LUC7L3: variants seen among roughly 807,000 people sequenced by gnomAD.
The protein encoded by LUC7L3 is luc7-like protein 3.
A neutral mutation model predicts 66.8 loss-of-function variants in LUC7L3; 6 were observed. That is an observed-to-expected ratio of 0.09 (90% CI 0.05 to 0.18). LUC7L3 has a LOEUF of 0.18. Among genes scored for constraint, LUC7L3 ranks in the 10% least tolerant of loss-of-function variants. The pLI is 1.00. For synonymous variants in LUC7L3, 160 were observed against 174.7 expected (o/e 0.92, Z 0.66); for missense variants, 341 against 531.1 (o/e 0.64, Z 3.52).
intron 1 of LUC7L3, among the ~76,000 whole-genome samples, chr17:50,728,473 T>C (rs896017677): frequency 2.0e-5 from 3 of 151,946 alleles, no homozygotes; most frequent in East Asian, 1.9e-4. Flanking sequence ...AAAAAAAATA[T>C]TTATAGACTG....
chr17:50,738,874 C>A (rs556465647), intron 2 of LUC7L3, among the ~76,000 whole-genome samples: 1 of 152,084 alleles, frequency 6.6e-6, no homozygotes, highest in Non-Finnish European at 1.5e-5. Context: ...CTAGGCATAC[C>A]CCTGTGAAAT....
At chr17:50,729,914 AT>A (rs1969461224) in intron 1 of LUC7L3, among the ~76,000 whole-genome samples, 1 of 39,592 alleles carries the variant, frequency 2.5e-5, no homozygotes, top group East Asian at 8.4e-4. Flanking sequence ...ATATATATAT[AT>A]ATATATATAT....
intron 1 of LUC7L3, chr17:50,723,066 G>A (rs1270706477): frequency 6.6e-6 from 1 of 152,206 alleles, no homozygotes; most frequent in Non-Finnish European, 1.5e-5. Context: ...TTCAGTGTTA[G>A]CCAGAGAAGG....
intron 3 of LUC7L3, among the ~76,000 whole-genome samples, chr17:50,740,563 A>G (rs930718866): frequency 1.3e-5 from 2 of 151,150 alleles, no homozygotes; most frequent in African/African-American, 4.9e-5. Flanking sequence ...TCTGTAGCCC[A>G]TTTGCTGTTT....
rs1368586234 is a variant in LUC7L3, at chr17:50,750,948, AT to A, written c.*289del. On this transcript the variant is annotated 3_prime_UTR_variant, in exon 10 of 10. Transcript: ENST00000505658. ...CGCCCACATTTGTAATATAGTCGCC[AT>A]TGAAAAGTTAATTATCCTTTTTTTA... The A allele has an allele frequency of 2.7e-6, 4 of 1,505,554 alleles. No individual in the cohort carries two copies. Among genetic ancestry groups the A allele is most frequent in the Non-Finnish European group, 3.5e-6 (4 of 1,133,356 alleles). The allele number at this position is 1,505,554 out of a possible 1,614,324, so 93.3% of individuals were successfully genotyped here. A position where few individuals can be genotyped will look rare whatever the true frequency, so the allele number is the denominator to read the frequency against.
At chr17:50,746,980 C>T (rs868675475) in intron 9 of LUC7L3, among the ~76,000 whole-genome samples, 13 of 150,754 alleles carry the variant, frequency 8.6e-5, no homozygotes, top group Middle Eastern at 3.4e-3. Flanking sequence ...TATTACCTTT[C>T]GGGGTTATTA....
chr17:50,752,920 C>T lies in LUC7L3; in HGVS notation c.*2259C>T, dbSNP rs1487123138. 1 of 149,506 alleles carries T rather than the reference C, an allele frequency of 6.7e-6. No individual in the cohort carries two copies. The highest frequency in any genetic ancestry group is 1.5e-5 in the Non-Finnish European group (1 of 67,544). 9.3% of individuals were successfully genotyped at this position (149,506 alleles called of 1,614,324 possible). On this transcript the variant is annotated 3_prime_UTR_variant, in exon 10 of 10. Coordinates refer to ENST00000505658, the MANE Select transcript of LUC7L3 (RefSeq NM_016424.5). ...TGAACTAGAATATATTTTTACATCC[C>T]TGAGAGATTCATTTAGTAGAAAATT...
chr17:50,750,373 C>T (rs1197404465), intron 9 of LUC7L3, 128 bp from the exon 10 acceptor site: 2 of 860,060 alleles, frequency 2.3e-6, no homozygotes, highest in South Asian at 1.8e-5. Context: ...GTAAATTCAC[C>T]AAACCGTTGC....
intron 1 of LUC7L3, among the ~76,000 whole-genome samples, chr17:50,724,996 A>G (rs1969078543): frequency 6.6e-6 from 1 of 152,048 alleles, no homozygotes; most frequent in Non-Finnish European, 1.5e-5. Flanking sequence ...TTTGACAACA[A>G]GTGATCCTCC....
chr17:50,732,452 A>G (rs1419963936), intron 1 of LUC7L3, among the ~76,000 whole-genome samples: 1 of 151,582 alleles, frequency 6.6e-6, no homozygotes, highest in Admixed American at 6.6e-5. Context: ...CATGATCACC[A>G]CTCACTGCAG....
chr17:50,732,525 G>A (rs936316193), intron 1 of LUC7L3, among the ~76,000 whole-genome samples: 3 of 151,520 alleles, frequency 2.0e-5, no homozygotes, highest in African/African-American at 7.3e-5. Flanking sequence ...GGGACTACAG[G>A]TGTGTGACAC....
Position 50,752,525 on chromosome 17 carries a change from G to C in LUC7L3, c.*1864G>C, listed in dbSNP as rs982223705. The C allele has an allele frequency of 1.8e-5, 3 of 162,164 alleles. No individual in the cohort carries two copies. Among genetic ancestry groups the C allele is most frequent in the African/African-American group, 7.2e-5 (3 of 41,460 alleles). The allele number at this position is 162,164 out of a possible 1,614,324, so 10.0% of individuals were successfully genotyped here. ...TTTTCAATCTTGGACTTTGAAAACA[G>C]GATTAAACGTTAGTATTCGTGTGAA... On this transcript the variant is annotated 3_prime_UTR_variant, in exon 10 of 10. Transcript: ENST00000505658.
At chr17:50,748,500 G>C (rs1221154128) in intron 9 of LUC7L3, 2 of 150,244 alleles carry the variant, frequency 1.3e-5, no homozygotes, top group East Asian at 1.9e-4. Context: ...TTTTTTTTTG[G>C]GGGGGTAGAG....
intron 5 of LUC7L3, among the ~76,000 whole-genome samples, chr17:50,742,082 G>GTGTGTC (rs1970382825): frequency 6.6e-6 from 1 of 152,252 alleles, no homozygotes; most frequent in Admixed American, 6.5e-5. Flanking sequence ...TCTTGTGTGT[G>GTGTGTC]TGTGTGTGTG....
Position 50,751,203 on chromosome 17 carries a change from G to A in LUC7L3, c.*542G>A, listed in dbSNP as rs1970961738. The A allele has an allele frequency of 2.1e-6, 3 of 1,457,706 alleles. No individual in the cohort carries two copies. Among genetic ancestry groups the A allele is most frequent in the East Asian group, 2.9e-5 (1 of 34,518 alleles). 90.3% of individuals were successfully genotyped at this position (1,457,706 alleles called of 1,614,324 possible). Reference sequence around the variant, plus strand: ...TTGCTTTATTGCCTTGCATTCTAATGCAGTTTGTTCTGTAACTCGAGAGCC... The same window carrying A: ...TTGCTTTATTGCCTTGCATTCTAATACAGTTTGTTCTGTAACTCGAGAGCC... On this transcript the variant is annotated 3_prime_UTR_variant, in exon 10 of 10. Transcript: ENST00000505658.
intron 1 of LUC7L3, among the ~76,000 whole-genome samples, chr17:50,729,898 A>T (rs9903600): frequency 0.42 from 3,698 of 8,796 alleles, 147 homozygotes; most frequent in African/African-American, 0.48. Context: ...TAAATACATT[A>T]TATATATATA....
rs1970943206 is a variant in LUC7L3 at position 50,750,841 on chromosome 17, A to G, written c.*180A>G. 4 of 1,539,826 alleles carry G rather than the reference A, an allele frequency of 2.6e-6. No homozygotes were observed. Among genetic ancestry groups the G allele is most frequent in the Non-Finnish European group, 3.5e-6 (4 of 1,147,374 alleles). On this transcript the variant is annotated 3_prime_UTR_variant, in exon 10 of 10. Transcript: ENST00000505658. ...AAGGAAAAGACAGTGTAGTCCTGCA[A>G]AACATTTTGAGGTACATTGTTTTGT... is the stretch of plus-strand genomic sequence containing the variant.
Position 50,752,763 on chromosome 17 carries a change from G to T in LUC7L3, c.*2102G>T, listed in dbSNP as rs1419651295. On this transcript the variant is annotated 3_prime_UTR_variant, in exon 10 of 10. Transcript: ENST00000505658. ...TTACACTATTACTAGAGGTGTTGGT[G>T]TACAGTTTTATCTGATTTGTTCTGT... The T allele has an allele frequency of 6.6e-6, 1 of 152,196 alleles. No individual in the cohort carries two copies. The highest frequency in any genetic ancestry group is 1.5e-5 in the Non-Finnish European group (1 of 68,040). The allele number at this position is 152,196 out of a possible 1,614,324, so 9.4% of individuals were successfully genotyped here. A position where few individuals can be genotyped will look rare whatever the true frequency, so the allele number is the denominator to read the frequency against.
chr17:50,727,656 A>G (rs1283532207), intron 1 of LUC7L3, among the ~76,000 whole-genome samples: 2 of 152,202 alleles, frequency 1.3e-5, no homozygotes, highest in Non-Finnish European at 2.9e-5. Flanking sequence ...ATTGGCAGGA[A>G]TTAGCCTGAG....
Sources: gnomAD v4.1 joint callset for allele counts (sites outside exome capture counted in the v4.1 genomes callset) on GRCh38, gnomAD v4.1.1 for gene constraint, MANE v1.5 for transcripts, NCBI Gene and HGNC (gene_info 2026-07-23, HGNC 2026-07-21) for gene names.